ANKRD11: variants seen among roughly 807,000 people sequenced by gnomAD.
ANKRD11 encodes ankyrin repeat domain-containing protein 11.
Under a neutral mutation model 195.7 loss-of-function variants are expected in ANKRD11, and 17 were observed. The observed-to-expected ratio is 0.09, with a 90% CI of 0.06 to 0.13. The LOEUF (loss-of-function observed/expected upper bound fraction) is 0.13, where lower values mean the gene tolerates loss of function less well. Ranked by LOEUF, ANKRD11 falls within the 10% of genes least tolerant of loss-of-function variation. ANKRD11 has a pLI of 1.00. For synonymous variants in ANKRD11, 1,953 were observed against 1,528.1 expected (o/e 1.28, Z -6.49); for missense variants, 3,735 against 3,566.1 (o/e 1.05, Z -1.21).
rs556822731 is a variant in ANKRD11 at position 89,278,691 on chromosome 16, C to A, written c.7470+381G>T. 3 of 466,964 alleles carry A rather than the reference C, an allele frequency of 6.4e-6. No homozygotes were observed. In the Admixed American group the frequency reaches 7.2e-5, roughly 11 times the overall value. The allele number at this position is 466,964 out of a possible 1,614,324, so 28.9% of individuals were successfully genotyped here. A position where few individuals can be genotyped will look rare whatever the true frequency, so the allele number is the denominator to read the frequency against. On this transcript the variant is annotated intron_variant, in intron 9 of 12. Coordinates refer to ENST00000301030, the MANE Select transcript of ANKRD11 (RefSeq NM_013275.6). ...CACGCGGGTCCAAGGGAGAAGGGGGCGGGGCAGGGGCAGGAGACACAGGGG... is the reference window on the plus strand; with the variant it reads ...CACGCGGGTCCAAGGGAGAAGGGGGAGGGGCAGGGGCAGGAGACACAGGGG...
intron 7 of ANKRD11, chr16:89,287,876 C>A: frequency 3.1e-6 from 1 of 320,340 alleles, no homozygotes; most frequent in South Asian, 1.0e-4. Flanking sequence ...GCAGATGTGG[C>A]CCCGTGTGAC....
At chr16:89,274,339 T>G (rs2033452613) in intron 11 of ANKRD11, among the ~76,000 whole-genome samples, 1 of 152,166 alleles carries the variant, frequency 6.6e-6, no homozygotes, top group South Asian at 2.1e-4. Flanking sequence ...GCGGCACACC[T>G]GGGTGCCCGT....
intron 4 of ANKRD11, chr16:89,299,645 G>T: frequency 5.9e-6 from 1 of 170,266 alleles, no homozygotes; most frequent in South Asian, 6.0e-5. Flanking sequence ...TGCCCTGTGT[G>T]AGGTGCCTGC....
At chr16:89,419,823 C>G (rs2042440549) in intron 1 of ANKRD11, among the ~76,000 whole-genome samples, 1 of 152,170 alleles carries the variant, frequency 6.6e-6, no homozygotes, top group African/African-American at 2.4e-5. Context: ...GAGGTTTTTC[C>G]TCCTTACACT....
chr16:89,455,529 C>A (rs2056396357), intron 1 of ANKRD11, among the ~76,000 whole-genome samples: 1 of 152,162 alleles, frequency 6.6e-6, no homozygotes, highest in African/African-American at 2.4e-5. Context: ...CTCCTTCCAA[C>A]ACTGCATGAG....
At chr16:89,369,418 C>A (rs1287051441) in intron 2 of ANKRD11, among the ~76,000 whole-genome samples, 6 of 152,238 alleles carry the variant, frequency 3.9e-5, no homozygotes. Flanking sequence ...CTGATGCCTG[C>A]TGCAGCAAGG....
chr16:89,449,673 A>C (rs1234604648), intron 1 of ANKRD11, among the ~76,000 whole-genome samples: 1 of 152,068 alleles, frequency 6.6e-6, no homozygotes. Flanking sequence ...CATGCCTGTA[A>C]TCCCAGCTAC....
chr16:89,388,463 G>T (rs528750177), intron 2 of ANKRD11, among the ~76,000 whole-genome samples: 155 of 151,994 alleles, frequency 1.0e-3, no homozygotes, highest in Non-Finnish European at 2.1e-3. Context: ...CTTGAAAATC[G>T]ACACGGAATA....
At chr16:89,475,114 C>A (rs961807562) in intron 1 of ANKRD11, among the ~76,000 whole-genome samples, 1 of 152,202 alleles carries the variant, frequency 6.6e-6, no homozygotes, top group Non-Finnish European at 1.5e-5. Context: ...TTCCAACAGA[C>A]CCTCTTGACT....
chr16:89,304,868 A>C (rs1360113250), intron 4 of ANKRD11, among the ~76,000 whole-genome samples: 4 of 152,164 alleles, frequency 2.6e-5, no homozygotes, highest in Non-Finnish European at 4.4e-5. Flanking sequence ...CCCTGAGGGG[A>C]ACCACTGTCT....
rs141292414 is a variant in ANKRD11, at chr16:89,281,430, G to T, written c.5112C>A (p.Pro1704=). ...GGCAGGATAGCACCGACGTAGGGGTGGGCACGCCAGTGGGCCGGCTCTGGT... is the reference window on the plus strand; with the variant it reads ...GGCAGGATAGCACCGACGTAGGGGTTGGCACGCCAGTGGGCCGGCTCTGGT... ...RPDQSRPTGV[P]TPTSVLSCPS... Residue 1704 remains proline (P), a synonymous_variant, in exon 9 of 13, where the codon CCC becomes CCA. Transcript: ENST00000301030. The surrounding 1 kb of genome is among the most constrained non-coding windows in gnomAD (Gnocchi z 5.5). 204 of 1,612,830 alleles carry T rather than the reference G, an allele frequency of 1.3e-4. No individual in the cohort carries two copies. Among genetic ancestry groups the T allele is most frequent in the Non-Finnish European group, 1.7e-4 (197 of 1,179,208 alleles).
chr16:89,386,630 G>A (rs999951929), intron 2 of ANKRD11, among the ~76,000 whole-genome samples: 1 of 152,204 alleles, frequency 6.6e-6, no homozygotes, highest in Non-Finnish European at 1.5e-5. Flanking sequence ...AGTCAAGACA[G>A]AATCACAAAT....
chr16:89,483,556 T>C (rs1043022220), intron 1 of ANKRD11, among the ~76,000 whole-genome samples: 3 of 152,232 alleles, frequency 2.0e-5, no homozygotes, highest in Non-Finnish European at 4.4e-5. Context: ...AGGCCGGGCA[T>C]GGTGGCTCAC....
At chr16:89,375,059 C>T (rs186086731) in intron 2 of ANKRD11, among the ~76,000 whole-genome samples, 1 of 152,088 alleles carries the variant, frequency 6.6e-6, no homozygotes, top group East Asian at 1.9e-4. Context: ...CTGTACATGG[C>T]ATCGTTCAGC....
At chr16:89,275,954 G>C (rs770893764) in intron 9 of ANKRD11, among the ~76,000 whole-genome samples, 21 of 152,348 alleles carry the variant, frequency 1.4e-4, no homozygotes, top group Admixed American at 6.5e-4. Flanking sequence ...AGGGAGTCAG[G>C]TTTCCAAAGC....
chr16:89,350,337 C>G (rs1417858088), intron 2 of ANKRD11, among the ~76,000 whole-genome samples: 1 of 152,100 alleles, frequency 6.6e-6, no homozygotes, highest in African/African-American at 2.4e-5. Context: ...GAAAAGGTAC[C>G]ACATCCAGCC....
At position 89,280,982 on chromosome 16, in the gene ANKRD11, C is replaced by A; in HGVS notation, c.5560G>T (p.Asp1854Tyr). Residue 1854 changes from aspartate (D) to tyrosine (Y), a missense_variant, in exon 9 of 13, where the codon GAC becomes TAC. Transcript: ENST00000301030. ...ACTTTGGGCGACGGGAGGCCATAGT[C>A]TGGGGAGTAGTACCCTGGCGACAAG... is the stretch of plus-strand genomic sequence containing the variant. ...ACLSPGYYSP[D>Y]YGLPSPKVDA... The A allele has an allele frequency of 6.4e-7, 1 of 1,574,668 alleles. No homozygotes were observed. The highest frequency in any genetic ancestry group is 8.6e-7 in the Non-Finnish European group (1 of 1,157,994).
intron 2 of ANKRD11, among the ~76,000 whole-genome samples, chr16:89,341,533 T>C (rs1040887329): frequency 6.6e-6 from 1 of 152,170 alleles, no homozygotes; most frequent in Non-Finnish European, 1.5e-5. Context: ...CACCAGCTGA[T>C]TTCTGAAAGC....
rs1027390285 is a variant in ANKRD11 at position 89,489,627 on chromosome 16, T to A, written c.-145+618A>T. Among the ~76,000 whole-genome samples, 14 of 151,444 alleles carry A rather than the reference T, an allele frequency of 9.2e-5. No individual in the cohort carries two copies. In the South Asian group the frequency reaches 2.9e-3, roughly 32 times the overall value. ...ACGACCAGCACGGCGAAGGCGCCCC[T>A]CTCGCGGGTCAGAGGTCGGCGCCCC... On this transcript the variant is annotated intron_variant, in intron 1 of 12. Transcript: ENST00000301030.
Sources: gnomAD v4.1 joint callset for allele counts (sites outside exome capture counted in the v4.1 genomes callset) on GRCh38, gnomAD v4.1.1 for gene constraint, Gnocchi (gnomAD v3.1) non-coding constraint, MANE v1.5 for transcripts, NCBI Gene and HGNC (gene_info 2026-07-23, HGNC 2026-07-21) for gene names.